Variants in RTKN2 observed in about 807,000 individuals in gnomAD.
RTKN2 encodes rhotekin 2.
In RTKN2, 69 loss-of-function variants were observed where a neutral mutation model predicts 71.5. The ratio of observed to expected loss-of-function variants is 0.96; its 90% CI spans 0.79 to 1.18. RTKN2 has a LOEUF of 1.18. RTKN2 is among the 50% of genes most tolerant of loss of function. The pLI is 0.00. For missense variants in RTKN2, 724 were observed against 719.7 expected (o/e 1.01, Z -0.07); for synonymous variants, 236 against 236.5 (o/e 1.00, Z 0.02).
intron 2 of RTKN2, among the ~76,000 whole-genome samples, chr10:62,257,212 T>A (rs891224176): frequency 3.9e-5 from 6 of 152,144 alleles, no homozygotes; most frequent in Admixed American, 3.9e-4. Context: ...CCTGTGAAAT[T>A]AATGGTGATA....
At chr10:62,222,547 C>A (rs1841933068) in intron 7 of RTKN2, among the ~76,000 whole-genome samples, 1 of 152,168 alleles carries the variant, frequency 6.6e-6, no homozygotes. Context: ...ATCCTTACAA[C>A]AGTAAGTATA....
At chr10:62,248,437 A>C (rs1180082228) in intron 2 of RTKN2, among the ~76,000 whole-genome samples, 1 of 152,182 alleles carries the variant, frequency 6.6e-6, no homozygotes, top group Non-Finnish European at 1.5e-5. Context: ...CAGTTTGCTT[A>C]ATATAAATAC....
intron 5 of RTKN2, among the ~76,000 whole-genome samples, chr10:62,237,761 A>G (rs536429955): frequency 1.3e-5 from 2 of 151,706 alleles, no homozygotes; most frequent in African/African-American, 4.8e-5. Context: ...TATACAGGGG[A>G]AAAATGTACT....
chr10:62,231,174 T>C (rs1411582830), intron 6 of RTKN2, among the ~76,000 whole-genome samples: 2 of 152,216 alleles, frequency 1.3e-5, no homozygotes, highest in African/African-American at 4.8e-5. Flanking sequence ...TAAGAAACAA[T>C]ACATCTTTTG....
chr10:62,190,698 G>C (rs1450394231), downstream of RTKN2, among the ~76,000 whole-genome samples: 4 of 152,122 alleles, frequency 2.6e-5, no homozygotes, highest in African/African-American at 9.7e-5. Context: ...CCTTGTCCAA[G>C]ACAACGTGGC....
At chr10:62,192,300 A>G (rs974625455), downstream of RTKN2, among the ~76,000 whole-genome samples, 4 of 152,324 alleles carry the variant, frequency 2.6e-5, no homozygotes, top group East Asian at 3.9e-4. Context: ...TATCTTACAC[A>G]TATTACCCAA....
At chr10:62,223,365 T>C (rs1841951517) in intron 6 of RTKN2, 33 bp from the exon 7 acceptor site, 1 of 1,297,814 alleles carries the variant, frequency 7.7e-7, no homozygotes, top group African/African-American at 1.5e-5. Context: ...GTTTTAAGTA[T>C]TTTTGTATTT....
intron 6 of RTKN2, among the ~76,000 whole-genome samples, chr10:62,232,088 T>C (rs1278975094): frequency 2.6e-5 from 4 of 152,114 alleles, no homozygotes; most frequent in East Asian, 3.8e-4. Flanking sequence ...TTTAATGGTA[T>C]CAAATAAACA....
chr10:62,199,815 C>T lies in RTKN2; in HGVS notation c.1233G>A (p.Met411Ile). 1 of 1,613,674 alleles carries T rather than the reference C, an allele frequency of 6.2e-7. No homozygotes were observed. Among genetic ancestry groups the T allele is most frequent in the Non-Finnish European group, 8.5e-7 (1 of 1,179,726 alleles). ...CCEELMKIEI[M>I]SPRKPPLFLT... ...AGAACAAAGGTGGTTTCCGTGGTGA[C>T]ATAATCTCAATTTTCATAAGTTCTT... Residue 411 changes from methionine to isoleucine, a missense_variant, in exon 11 of 12, where the codon ATG becomes ATA. Transcript: ENST00000373789.
chr10:62,262,049 A>T lies in RTKN2; in HGVS notation c.257+576T>A, dbSNP rs369152043. Among the ~76,000 whole-genome samples, 41 of 152,354 alleles carry T rather than the reference A, an allele frequency of 2.7e-4. 1 individual carries two copies. The East Asian group carries it at 6.9e-3, about 26-fold the overall frequency. ...TAATCTAAAAGAACAGCATGAGATGACAGAACACATGAGCAGAAGTTATTA... is the reference window on the plus strand; with the variant it reads ...TAATCTAAAAGAACAGCATGAGATGTCAGAACACATGAGCAGAAGTTATTA... On this transcript the variant is annotated intron_variant, in intron 2 of 11. Coordinates refer to ENST00000373789, the MANE Select transcript of RTKN2 (RefSeq NM_145307.4).
rs1841287705 is a variant in RTKN2, at chr10:62,194,710, G to A, written c.*3198C>T. On this transcript the variant is annotated 3_prime_UTR_variant, in exon 12 of 12. Transcript: ENST00000373789. Reference sequence around the variant, plus strand: ...ACTGAATTAATTAACTTCTCAGTAGGGGGCTGAGGTGCTGAACATAAGCCT... The same window carrying A: ...ACTGAATTAATTAACTTCTCAGTAGAGGGCTGAGGTGCTGAACATAAGCCT... 1 of 985,328 alleles carries A rather than the reference G, an allele frequency of 1.0e-6. No individual in the cohort carries two copies. Among genetic ancestry groups the A allele is most frequent in the South Asian group, 4.7e-5 (1 of 21,290 alleles). 61.0% of individuals were successfully genotyped at this position (985,328 alleles called of 1,614,324 possible). A position where few individuals can be genotyped will look rare whatever the true frequency, so the allele number is the denominator to read the frequency against.
At chr10:62,248,842 T>A (rs1203347882) in intron 2 of RTKN2, among the ~76,000 whole-genome samples, 1 of 152,142 alleles carries the variant, frequency 6.6e-6, no homozygotes, top group Non-Finnish European at 1.5e-5. Flanking sequence ...ATTAACAAGT[T>A]ATAATGAGAA....
At chr10:62,192,998 C>T (rs1159077017), downstream of RTKN2, among the ~76,000 whole-genome samples, 1 of 152,008 alleles carries the variant, frequency 6.6e-6, no homozygotes. Context: ...ATACATAAAA[C>T]ACACATTTTA....
chr10:62,224,029 A>G (rs56692192), intron 6 of RTKN2, among the ~76,000 whole-genome samples: 24,995 of 152,038 alleles, frequency 0.16, 2,165 homozygotes, highest in African/African-American at 0.19. Flanking sequence ...AAAAGAAGAA[A>G]ATTCTGACAT....
chr10:62,242,974 T>C (rs536301297), intron 3 of RTKN2, among the ~76,000 whole-genome samples: 4 of 152,286 alleles, frequency 2.6e-5, no homozygotes, highest in African/African-American at 4.8e-5. Flanking sequence ...ATCTATTTAT[T>C]TACTTTTTAA....
intron 1 of RTKN2, among the ~76,000 whole-genome samples, chr10:62,268,218 C>G (rs1249265345): frequency 6.6e-6 from 1 of 152,228 alleles, no homozygotes; most frequent in Non-Finnish European, 1.5e-5. Context: ...AATCGAGGGG[C>G]TCCCATTTCC....
intron 9 of RTKN2, among the ~76,000 whole-genome samples, chr10:62,216,545 C>A (rs1276257839): frequency 6.6e-6 from 1 of 151,956 alleles, no homozygotes; most frequent in African/African-American, 2.4e-5. Flanking sequence ...AAAATTGTAG[C>A]TAGATTTCAA....
chr10:62,203,116 C>T (rs753386773), intron 10 of RTKN2, among the ~76,000 whole-genome samples: 2 of 152,120 alleles, frequency 1.3e-5, no homozygotes, highest in Non-Finnish European at 1.5e-5. Context: ...GCCAAGATTG[C>T]GCCATTGCAC....
At chr10:62,253,830 G>C (rs1239484472) in intron 2 of RTKN2, among the ~76,000 whole-genome samples, 2 of 151,974 alleles carry the variant, frequency 1.3e-5, no homozygotes, top group Non-Finnish European at 2.9e-5. Context: ...AAGTGATACA[G>C]TGGAAAAAAA....
Sources: allele counts gnomAD v4.1 joint callset (sites outside exome capture counted in the v4.1 genomes callset), GRCh38; gene constraint gnomAD v4.1.1; transcripts MANE v1.5; gene names NCBI Gene and HGNC (gene_info 2026-07-23, HGNC 2026-07-21).